Variants in APBB2 observed in about 807,000 individuals in gnomAD.
APBB2 encodes the protein amyloid beta precursor protein binding family B member 2.
In APBB2, 38 loss-of-function variants were observed where a neutral mutation model predicts 82.5. That is an observed-to-expected ratio of 0.46 (90% CI 0.36 to 0.60). The LOEUF (loss-of-function observed/expected upper bound fraction) is 0.60. APBB2 is among the 20% of genes least tolerant of loss of function. The pLI, the probability that APBB2 is intolerant of heterozygous loss-of-function variation, is 0.00. For missense variants in APBB2, 772 were observed against 972.3 expected (o/e 0.79, Z 2.74); for synonymous variants, 341 against 368.2 (o/e 0.93, Z 0.85).
At chr4:41,061,155 A>C (rs1039881451) in intron 4 of APBB2, among the ~76,000 whole-genome samples, 3 of 152,244 alleles carry the variant, frequency 2.0e-5, no homozygotes, top group African/African-American at 4.8e-5. Context: ...GTAACAGTCC[A>C]GATCCTCACA....
chr4:41,017,970 A>AT (rs1810479270), intron 5 of APBB2, among the ~76,000 whole-genome samples: 1 of 152,256 alleles, frequency 6.6e-6, no homozygotes, highest in Non-Finnish European at 1.5e-5. Context: ...GGCCTAAGAA[A>AT]TAAGACCAAA....
intron 1 of APBB2, among the ~76,000 whole-genome samples, chr4:41,204,213 G>A (rs56348001): frequency 0.21 from 32,082 of 152,184 alleles, 3,756 homozygotes; most frequent in East Asian, 0.33. Flanking sequence ...TATGTTCGGT[G>A]CCTCATCAAA....
chr4:41,063,574 T>C (rs554375150), intron 4 of APBB2, among the ~76,000 whole-genome samples: 56 of 152,360 alleles, frequency 3.7e-4, no homozygotes, highest in Non-Finnish European at 5.1e-4. Context: ...TATTCTATTA[T>C]CAGCTATCCC....
In APBB2 at chr4:40,899,878, C is replaced by T. The variant is rs2154356259; in HGVS notation, c.1255-6467G>A. Among the ~76,000 whole-genome samples the T allele has an allele frequency of 2.0e-5, 3 of 152,234 alleles. No homozygotes were observed. The East Asian group carries it at 5.8e-4, about 29-fold the overall frequency. On this transcript the variant is annotated intron_variant, in intron 10 of 17. Coordinates refer to ENST00000508593, the MANE Select transcript of APBB2 (RefSeq NM_004307.2). ...AGGGGTGAGACCAGGGGCCAGGAGC[C>T]AGTGAGCCGTGGGATACAGGCCTTG... is the stretch of plus-strand genomic sequence containing the variant.
Position 41,013,518 on chromosome 4 carries a change from C to G in APBB2, c.835+65G>C. 3 of 1,457,146 alleles carry G rather than the reference C, an allele frequency of 2.1e-6. No homozygotes were observed. In the South Asian group the frequency reaches 3.8e-5, roughly 18 times the overall value. 90.3% of individuals were successfully genotyped at this position (1,457,146 alleles called of 1,614,324 possible). On this transcript the variant is annotated intron_variant, in intron 6 of 17. Transcript: ENST00000508593. ...CATTTTTGGTCAGTCTAGAGATTTA[C>G]TCCAATAGTTGAAAAGATAAAAAAA...
At chr4:40,816,963 G>A (rs1189892759) in intron 17 of APBB2, among the ~76,000 whole-genome samples, 1 of 152,174 alleles carries the variant, frequency 6.6e-6, no homozygotes, top group African/African-American at 2.4e-5. Flanking sequence ...AAATCCATTA[G>A]CACTGGCACC....
chr4:41,006,090 C>CA (rs1806637413), intron 6 of APBB2, among the ~76,000 whole-genome samples: 1 of 152,248 alleles, frequency 6.6e-6, no homozygotes, highest in South Asian at 2.1e-4. Context: ...TGATGGAAGG[C>CA]AACCCAAAAC....
At chr4:40,891,741 T>C (rs1013358552) in intron 11 of APBB2, among the ~76,000 whole-genome samples, 39 of 152,292 alleles carry the variant, frequency 2.6e-4, no homozygotes, top group African/African-American at 8.7e-4. Context: ...ACTTGTGCAC[T>C]GTTGTGGTGA....
chr4:40,848,578 T>A (rs993383812), intron 12 of APBB2, among the ~76,000 whole-genome samples: 2 of 152,196 alleles, frequency 1.3e-5, no homozygotes, highest in African/African-American at 4.8e-5. Flanking sequence ...CCCATTGGAC[T>A]TTTGGTTCCA....
intron 10 of APBB2, among the ~76,000 whole-genome samples, chr4:40,933,823 G>C (rs902556708): frequency 1.3e-5 from 2 of 152,170 alleles, no homozygotes; most frequent in African/African-American, 4.8e-5. Flanking sequence ...CAAAGATTAA[G>C]AATTTCCTGA....
intron 4 of APBB2, among the ~76,000 whole-genome samples, chr4:41,064,127 C>G (rs1193193497): frequency 2.0e-5 from 3 of 151,356 alleles, no homozygotes; most frequent in African/African-American, 7.3e-5. Context: ...TACAGGCACC[C>G]GCCCCCACAC....
At chr4:41,049,329 GTGAGGAGCGTCTCCGAC>G in intron 4 of APBB2, among the ~76,000 whole-genome samples, 1 of 150,762 alleles carries the variant, frequency 6.6e-6, no homozygotes, top group African/African-American at 2.4e-5. Context: ...CGTCGGAGAA[GTGAGGAGCGTCTCCGAC>G]CGGCAGCCGC....
chr4:40,834,363 T>C (rs1234858693), intron 12 of APBB2, among the ~76,000 whole-genome samples: 1 of 152,234 alleles, frequency 6.6e-6, no homozygotes, highest in African/African-American at 2.4e-5. Flanking sequence ...TAAGAGGCAG[T>C]GAGGCCTTTC....
At chr4:40,973,426 C>A (rs1168451677) in intron 6 of APBB2, among the ~76,000 whole-genome samples, 1 of 152,184 alleles carries the variant, frequency 6.6e-6, no homozygotes, top group Non-Finnish European at 1.5e-5. Context: ...CCGCTGCCAA[C>A]CCTAGAAGCC....
chr4:41,140,955 C>T (rs1245714769), intron 2 of APBB2, among the ~76,000 whole-genome samples: 1 of 152,064 alleles, frequency 6.6e-6, no homozygotes, highest in Non-Finnish European at 1.5e-5. Flanking sequence ...CATTATAGAC[C>T]ACAATGTAGT....
intron 1 of APBB2, chr4:41,177,584 A>G (rs1017427061): frequency 1.4e-4 from 22 of 152,182 alleles, no homozygotes; most frequent in African/African-American, 5.1e-4. Flanking sequence ...ACAATATTAA[A>G]TTCTTTGTTT....
chr4:40,893,416 A>AC lies in APBB2; in HGVS notation c.1255-6_1255-5insG, dbSNP rs1772664974. ...CAGAGAACGCACAGCAAAACACTGG[A>AC]AGACAGTGAAAGAGGACAAGAAGTC... is the stretch of plus-strand genomic sequence containing the variant. On this transcript the variant is annotated splice_region_variant and splice_polypyrimidine_tract_variant and intron_variant, in intron 10 of 17. Transcript: ENST00000508593. 2 of 1,603,346 alleles carry AC rather than the reference A, an allele frequency of 1.2e-6. No individual in the cohort carries two copies. The highest frequency in any genetic ancestry group is 1.7e-6 in the Non-Finnish European group (2 of 1,173,700).
chr4:40,994,273 C>G (rs1802999478), intron 6 of APBB2, among the ~76,000 whole-genome samples: 1 of 129,018 alleles, frequency 7.8e-6, no homozygotes, highest in African/African-American at 2.8e-5. Flanking sequence ...GGCAACAGAG[C>G]AAGACTCATC....
chr4:41,009,559 A>G (rs1807739540), intron 6 of APBB2, among the ~76,000 whole-genome samples: 1 of 152,188 alleles, frequency 6.6e-6, no homozygotes, highest in Non-Finnish European at 1.5e-5. Context: ...ATAGCATTCT[A>G]ACTTGGAAAG....
Sources: gnomAD v4.1 joint callset for allele counts (sites outside exome capture counted in the v4.1 genomes callset) on GRCh38, gnomAD v4.1.1 for gene constraint, MANE v1.5 for transcripts, NCBI Gene and HGNC (gene_info 2026-07-23, HGNC 2026-07-21) for gene names.